Variants in RPRD2 observed in about 807,000 individuals in gnomAD.
The protein encoded by RPRD2 is regulation of nuclear pre-mRNA domain-containing protein 2.
RPRD2 carries 12 observed loss-of-function variants against 104.4 expected under a neutral mutation model. The ratio of observed to expected loss-of-function variants is 0.11; its 90% CI spans 0.07 to 0.19. The LOEUF (loss-of-function observed/expected upper bound fraction) is 0.19. RPRD2 is among the 10% of genes least tolerant of loss of function. RPRD2 has a pLI of 1.00. For synonymous variants in RPRD2, 714 were observed against 684.9 expected, an observed-to-expected ratio of 1.04 and a Z score of -0.66; for missense variants, 1,543 against 1,790.1, an observed-to-expected ratio of 0.86 and a Z score of 2.49.
chr1:150,446,075 A>G (rs2102370438), intron 6 of RPRD2, 151 bp from the exon 7 acceptor site: 1 of 515,532 alleles, frequency 1.9e-6, no homozygotes, highest in East Asian at 3.3e-5. Context: ...CTCAAAAAAA[A>G]AAAAAAAGAA....
rs181731213 is a variant in RPRD2, at chr1:150,442,675, G to T, written c.515-556G>T. ...TAAGGGAGTCCTCAGACATCTTCTT[G>T]GTCATAAGTTGCATGCTTAGGAACA... is the stretch of plus-strand genomic sequence containing the variant. On this transcript the variant is annotated intron_variant, in intron 4 of 10. Coordinates refer to ENST00000369068, the MANE Select transcript of RPRD2 (RefSeq NM_015203.5). Among the ~76,000 whole-genome samples, 5 of 152,256 alleles carry T rather than the reference G, an allele frequency of 3.3e-5. No homozygotes were observed. The East Asian group carries it at 7.7e-4, about 23-fold the overall frequency.
chr1:150,440,142 C>CT (rs1175634952), intron 2 of RPRD2, among the ~76,000 whole-genome samples: 5 of 152,114 alleles, frequency 3.3e-5, no homozygotes, highest in Admixed American at 6.6e-5. Flanking sequence ...GATAAGGTCT[C>CT]TCTCTGTTTC....
At chr1:150,390,401 A>G (rs1661975035) in intron 1 of RPRD2, among the ~76,000 whole-genome samples, 1 of 152,164 alleles carries the variant, frequency 6.6e-6, no homozygotes, top group Non-Finnish European at 1.5e-5. Context: ...CGGGAGGCAG[A>G]GGCAGGAGAA....
chr1:150,388,848 G>A (rs1360574828), intron 1 of RPRD2, among the ~76,000 whole-genome samples: 1 of 151,798 alleles, frequency 6.6e-6, no homozygotes, highest in African/African-American at 2.4e-5. Flanking sequence ...CTCGTGATCT[G>A]CCTGCCTCAG....
Position 150,370,319 on chromosome 1 carries a change from A to G in RPRD2, c.205+5400A>G, listed in dbSNP as rs1660205028. Among the ~76,000 whole-genome samples the G allele has an allele frequency of 2.0e-5, 3 of 152,310 alleles. No individual in the cohort carries two copies. The South Asian group carries it at 6.2e-4, about 32-fold the overall frequency. On this transcript the variant is annotated intron_variant, in intron 1 of 10. Coordinates refer to ENST00000369068, the MANE Select transcript of RPRD2 (RefSeq NM_015203.5). Reference sequence around the variant, plus strand: ...CACTTAATACTGGATGACACTTTGCAAAGTACTTAAACTGTGAACCTCAGT... The same window carrying G: ...CACTTAATACTGGATGACACTTTGCGAAGTACTTAAACTGTGAACCTCAGT...
chr1:150,426,222 C>T (rs185675088), intron 2 of RPRD2, among the ~76,000 whole-genome samples: 28 of 152,340 alleles, frequency 1.8e-4, no homozygotes, highest in Non-Finnish European at 3.7e-4. Context: ...TCTAGCCAAA[C>T]GCTCATACTG....
At chr1:150,379,622 G>A (rs375423579) in intron 1 of RPRD2, among the ~76,000 whole-genome samples, 3 of 152,046 alleles carry the variant, frequency 2.0e-5, no homozygotes, top group Non-Finnish European at 2.9e-5. Flanking sequence ...GGCTGGTCTC[G>A]AACTCCCAAC....
At chr1:150,414,339 A>G (rs1664181002) in intron 1 of RPRD2, among the ~76,000 whole-genome samples, 1 of 152,196 alleles carries the variant, frequency 6.6e-6, no homozygotes, top group African/African-American at 2.4e-5. Context: ...TCATTTTACA[A>G]AGGAAAGCAA....
chr1:150,447,658 A>G (rs1256927334), intron 7 of RPRD2, among the ~76,000 whole-genome samples: 3 of 152,150 alleles, frequency 2.0e-5, no homozygotes, highest in African/African-American at 4.8e-5. Context: ...TATTCCCCCA[A>G]GAAAGGGAGA....
intron 1 of RPRD2, among the ~76,000 whole-genome samples, chr1:150,376,870 A>C (rs1660737029): frequency 6.6e-6 from 1 of 151,258 alleles, no homozygotes; most frequent in African/African-American, 2.4e-5. Flanking sequence ...AAATTCTCTT[A>C]TAATATGTTA....
chr1:150,445,759 G>A (rs1195169638), intron 6 of RPRD2, among the ~76,000 whole-genome samples: 1 of 152,038 alleles, frequency 6.6e-6, no homozygotes, highest in Admixed American at 6.6e-5. Flanking sequence ...TTGTGATTTG[G>A]AGAAACTTGT....
At chr1:150,410,553 C>T (rs1553887412) in intron 1 of RPRD2, among the ~76,000 whole-genome samples, 1 of 152,154 alleles carries the variant, frequency 6.6e-6, no homozygotes, top group Non-Finnish European at 1.5e-5. Flanking sequence ...CAGAAACCTT[C>T]TGTGTACTTT....
chr1:150,460,435 GCT>G, intron 9 of RPRD2, 118 bp downstream of exon 9: 1 of 1,062,614 alleles, frequency 9.4e-7, no homozygotes. Flanking sequence ...ACAGAGTTTC[GCT>G]CTGTCTCCCA....
At chr1:150,395,881 T>C (rs587711260) in intron 1 of RPRD2, among the ~76,000 whole-genome samples, 1 of 152,370 alleles carries the variant, frequency 6.6e-6, no homozygotes, top group African/African-American at 2.4e-5. Flanking sequence ...CTGGATCACA[T>C]GGTAGTTCTA....
Position 150,440,915 on chromosome 1 carries a change from G to A in RPRD2, c.336-8G>A. ...TTATAGTCTGTATTACTTTTTCTTT[G>A]TTTTCAGGGATCCATCTGTCTCTAA... On this transcript the variant is annotated splice_polypyrimidine_tract_variant and splice_region_variant and intron_variant, in intron 2 of 10. Coordinates refer to ENST00000369068, the MANE Select transcript of RPRD2 (RefSeq NM_015203.5). 1 of 1,451,572 alleles carries A rather than the reference G, an allele frequency of 6.9e-7. No individual in the cohort carries two copies. Among genetic ancestry groups the A allele is most frequent in the Non-Finnish European group, 9.5e-7 (1 of 1,056,236 alleles). 89.9% of individuals were successfully genotyped at this position (1,451,572 alleles called of 1,614,324 possible).
intron 2 of RPRD2, among the ~76,000 whole-genome samples, chr1:150,419,044 T>G (rs1664572929): frequency 3.9e-5 from 6 of 152,210 alleles, no homozygotes; most frequent in Middle Eastern, 3.4e-3. Context: ...CAGCATTTCC[T>G]AAACTCTGAC....
At chr1:150,423,645 A>G (rs1203241101) in intron 2 of RPRD2, among the ~76,000 whole-genome samples, 3 of 152,134 alleles carry the variant, frequency 2.0e-5, no homozygotes, top group Non-Finnish European at 4.4e-5. Flanking sequence ...TAATCTGAAA[A>G]TTTGAAATGC....
At chr1:150,466,011 CAAA>C (rs71578500) in intron 10 of RPRD2, among the ~76,000 whole-genome samples, 4 of 69,256 alleles carry the variant, frequency 5.8e-5, no homozygotes, top group Non-Finnish European at 5.8e-5. Context: ...AGACTCAGTC[CAAA>C]AAAAAAAAAA....
chr1:150,409,341 G>A (rs1241057754), intron 1 of RPRD2, among the ~76,000 whole-genome samples: 1 of 152,084 alleles, frequency 6.6e-6, no homozygotes, highest in African/African-American at 2.4e-5. Flanking sequence ...TTAGGGGATT[G>A]TTAGCCAAAC....
Sources: allele counts gnomAD v4.1 joint callset (sites outside exome capture counted in the v4.1 genomes callset), GRCh38; gene constraint gnomAD v4.1.1; transcripts MANE v1.5; gene names NCBI Gene and HGNC (gene_info 2026-07-23, HGNC 2026-07-21).